EPS15: variants seen among roughly 807,000 people sequenced by gnomAD.
EPS15 encodes the protein epidermal growth factor receptor substrate 15.
EPS15 carries 72 observed loss-of-function variants against 113.8 expected under a neutral mutation model. That is an observed-to-expected ratio of 0.63 (90% CI 0.52 to 0.77). The LOEUF is 0.77. Ranked by LOEUF, EPS15 falls within the 30% of genes least tolerant of loss-of-function variation. The pLI is 0.00. For missense variants in EPS15, 1,048 were observed against 1,045.8 expected (o/e 1.00, Z -0.03); for synonymous variants, 344 against 363.4 (o/e 0.95, Z 0.61).
chr1:51,514,245 C>G (rs779769197), intron 1 of EPS15, among the ~76,000 whole-genome samples: 2 of 152,154 alleles, frequency 1.3e-5, no homozygotes, highest in African/African-American at 4.8e-5. Context: ...GAAACTCCAG[C>G]ATATGAATTT....
rs1366579789 is a variant in EPS15, at chr1:51,402,534, A to G, written c.1792-9T>C. ...ACATTAAATGGATCTTCCTAAAAAT[A>G]ATTTTAAATTAAAATTATTTTTTAG... On this transcript the variant is annotated splice_polypyrimidine_tract_variant and intron_variant, in intron 17 of 24. Transcript: ENST00000371733. 6 of 1,386,390 alleles carry G rather than the reference A, an allele frequency of 4.3e-6. No individual in the cohort carries two copies. The highest frequency in any genetic ancestry group is 6.0e-6 in the Non-Finnish European group (6 of 1,004,592). 85.9% of individuals were successfully genotyped at this position (1,386,390 alleles called of 1,614,324 possible).
intron 1 of EPS15, among the ~76,000 whole-genome samples, chr1:51,483,502 T>C (rs1644060853): frequency 6.6e-6 from 1 of 151,702 alleles, no homozygotes. Flanking sequence ...AGGTTACCTC[T>C]CCAGGCCTTT....
At chr1:51,478,628 G>C (rs1160136530) in intron 2 of EPS15, among the ~76,000 whole-genome samples, 1 of 151,290 alleles carries the variant, frequency 6.6e-6, no homozygotes, top group Non-Finnish European at 1.5e-5. Flanking sequence ...GCTTCCTTCA[G>C]GAGCTCTTGT....
intron 1 of EPS15, among the ~76,000 whole-genome samples, chr1:51,503,669 G>C (rs549303294): frequency 8.7e-4 from 133 of 152,184 alleles, no homozygotes; most frequent in South Asian, 3.7e-3. Flanking sequence ...AGCAAAGTTA[G>C]AGGACTAACA....
intron 1 of EPS15, among the ~76,000 whole-genome samples, chr1:51,513,241 T>C (rs1644658819): frequency 6.6e-6 from 1 of 152,142 alleles, no homozygotes; most frequent in Non-Finnish European, 1.5e-5. Context: ...TAAAAGAGTA[T>C]CCACTGCAGC....
At chr1:51,394,988 C>T (rs1647784409) in intron 20 of EPS15, among the ~76,000 whole-genome samples, 1 of 151,996 alleles carries the variant, frequency 6.6e-6, no homozygotes, top group Non-Finnish European at 1.5e-5. Flanking sequence ...CCTGCCTTAG[C>T]CTCCTGAATA....
At chr1:51,512,294 G>A (rs1200903284) in intron 1 of EPS15, among the ~76,000 whole-genome samples, 1 of 152,148 alleles carries the variant, frequency 6.6e-6, no homozygotes, top group Non-Finnish European at 1.5e-5. Context: ...GCAAATGAGT[G>A]CACTTAAGAG....
chr1:51,500,458 T>A (rs1412475101), intron 1 of EPS15, among the ~76,000 whole-genome samples: 2 of 151,862 alleles, frequency 1.3e-5, no homozygotes, highest in Non-Finnish European at 3.0e-5. Flanking sequence ...TATTTGCTAG[T>A]TACTGGTTTT....
Position 51,481,229 on chromosome 1 carries a change from C to T in EPS15, c.75+44G>A, listed in dbSNP as rs750601056. 7.2e-6 allele frequency: 7 copies of T among 966,464 alleles called. No individual in the cohort carries two copies. In the South Asian group the frequency reaches 7.9e-5, roughly 11 times the overall value. 59.9% of individuals were successfully genotyped at this position (966,464 alleles called of 1,614,324 possible). A position where few individuals can be genotyped will look rare whatever the true frequency, so the allele number is the denominator to read the frequency against. On this transcript the variant is annotated intron_variant, in intron 2 of 24. Transcript: ENST00000371733. ...GGCATACAATCAAGAGTTGACAGTA[C>T]ATTTAATGTTCAATCCAGGCAAACA...
intron 21 of EPS15, among the ~76,000 whole-genome samples, chr1:51,376,140 G>C (rs1015841095): frequency 6.6e-6 from 1 of 152,224 alleles, no homozygotes; most frequent in Non-Finnish European, 1.5e-5. Flanking sequence ...AAGCATCAAA[G>C]GACAGGTTGA....
At position 51,511,150 on chromosome 1, in the gene EPS15, A is replaced by G. The variant is rs182232481; in HGVS notation, c.33+8049T>C. ...CACTGCACTCCAGCCTGAGCGACAG[A>G]GCCAGACCTCCGCCTCAAAAAATAA... On this transcript the variant is annotated intron_variant, in intron 1 of 24. Transcript: ENST00000371733. Among the ~76,000 whole-genome samples the G allele has an allele frequency of 4.9e-3, 740 of 152,096 alleles. 2 individuals carry two copies. The highest frequency in any genetic ancestry group is 0.024 in the Middle Eastern group (7 of 294).
At chr1:51,398,894 T>C (rs991034395) in intron 20 of EPS15, 138 bp downstream of exon 20, 2 of 728,602 alleles carry the variant, frequency 2.7e-6, no homozygotes, top group East Asian at 2.7e-5. Context: ...CTAAATGAAT[T>C]GGGATGAGAC....
At chr1:51,507,773 A>G (rs1224846165) in intron 1 of EPS15, among the ~76,000 whole-genome samples, 1 of 152,166 alleles carries the variant, frequency 6.6e-6, no homozygotes, top group Non-Finnish European at 1.5e-5. Context: ...GAAAAAAAAG[A>G]AACGATGTAA....
chr1:51,397,528 G>A (rs1648076101), intron 20 of EPS15, among the ~76,000 whole-genome samples: 1 of 152,156 alleles, frequency 6.6e-6, no homozygotes, highest in Non-Finnish European at 1.5e-5. Context: ...AAGGTGAGAG[G>A]AGAAGAATTC....
intron 1 of EPS15, among the ~76,000 whole-genome samples, chr1:51,498,615 TATG>T (rs1257855235): frequency 6.6e-6 from 1 of 152,212 alleles, no homozygotes; most frequent in Non-Finnish European, 1.5e-5. Flanking sequence ...ATTTCTGACA[TATG>T]ATATTTTCCA....
chr1:51,398,754 C>A (rs1171402994), intron 20 of EPS15, among the ~76,000 whole-genome samples: 1 of 152,150 alleles, frequency 6.6e-6, no homozygotes, highest in Admixed American at 6.5e-5. Context: ...AATTTCCAAT[C>A]ATTTTTAGTA....
At chr1:51,408,087 G>T in intron 15 of EPS15, 48 bp downstream of exon 15, 1 of 1,494,418 alleles carries the variant, frequency 6.7e-7, no homozygotes, top group South Asian at 1.1e-5. Flanking sequence ...CTGACTAAAG[G>T]ACACAGAGGA....
chr1:51,383,468 A>G (rs1646986901), intron 21 of EPS15, among the ~76,000 whole-genome samples: 1 of 152,286 alleles, frequency 6.6e-6, no homozygotes, highest in East Asian at 1.9e-4. Flanking sequence ...TCAGGATGAA[A>G]CTGTTCCACC....
chr1:51,485,512 G>A (rs1358438612), intron 1 of EPS15, among the ~76,000 whole-genome samples: 1 of 152,052 alleles, frequency 6.6e-6, no homozygotes, highest in African/African-American at 2.4e-5. Context: ...AGGATCACTT[G>A]AGCCCAGGAA....
Sources: gnomAD v4.1 joint callset for allele counts (sites outside exome capture counted in the v4.1 genomes callset) on GRCh38, gnomAD v4.1.1 for gene constraint, MANE v1.5 for transcripts, NCBI Gene and HGNC (gene_info 2026-07-23, HGNC 2026-07-21) for gene names.